The following CANT1 variants were observed in gnomAD, a reference collection of about 807,000 sequenced individuals.
The protein encoded by CANT1 is calcium activated nucleotidase 1.
CANT1 carries 26 observed loss-of-function variants against 30.0 expected under a neutral mutation model. The observed-to-expected ratio is 0.87, with a 90% CI of 0.64 to 1.20. The LOEUF is 1.20. Ranked by LOEUF, CANT1 falls within the 50% of genes most tolerant of loss-of-function variation. The probability of loss-of-function intolerance (pLI) is 0.00; values close to 1 mark genes in which losing one functional copy is unlikely to be tolerated. For missense variants in CANT1, 518 were observed against 563.0 expected, an observed-to-expected ratio of 0.92 and a Z score of 0.81; for synonymous variants, 246 against 251.8, an observed-to-expected ratio of 0.98 and a Z score of 0.22.
chr17:79,005,841 G>A (rs2145857771), intron 1 of CANT1: 1 of 152,364 alleles, frequency 6.6e-6, no homozygotes, highest in African/African-American at 2.4e-5. Context: ...AACAGCGCCT[G>A]AGAGAACACG....
intron 1 of CANT1, chr17:79,005,874 C>T (rs2071533185): frequency 2.0e-5 from 3 of 152,214 alleles, no homozygotes. Flanking sequence ...CAAAGAAACA[C>T]TTATTAATGC....
intron 1 of CANT1, among the ~76,000 whole-genome samples, chr17:79,006,876 A>C (rs2071570950): frequency 6.6e-6 from 1 of 152,162 alleles, no homozygotes; most frequent in South Asian, 2.1e-4. Context: ...GCTTTCCTCC[A>C]GGCTCGGCTC....
At position 78,993,379 on chromosome 17, in the gene CANT1, G is replaced by A; in HGVS notation, c.*171C>T. On this transcript the variant is annotated 3_prime_UTR_variant, in exon 5 of 5. Coordinates refer to ENST00000392446, the MANE Select transcript of CANT1 (RefSeq NM_001159773.2). This position sits in a 1 kb window ranked among gnomAD's most constrained non-coding sequence, Gnocchi z 4.5. Reference sequence around the variant, plus strand: ...AAGCAGTTCAGACCGCGGCCTCCGTGGGGCCCGGGGGTCCAGTGCCCGCAC... The same window carrying A: ...AAGCAGTTCAGACCGCGGCCTCCGTAGGGCCCGGGGGTCCAGTGCCCGCAC... 2.2e-6 allele frequency: 2 copies of A among 924,808 alleles called. No individual in the cohort carries two copies. Among genetic ancestry groups the A allele is most frequent in the South Asian group, 3.1e-5 (2 of 65,512 alleles). The allele number at this position is 924,808 out of a possible 1,614,324, so 57.3% of individuals were successfully genotyped here. A position where few individuals can be genotyped will look rare whatever the true frequency, so the allele number is the denominator to read the frequency against.
At position 78,993,908 on chromosome 17, in the gene CANT1, T is replaced by C; in HGVS notation, c.848A>G (p.His283Arg). 6.3e-7 allele frequency: 1 copy of C among 1,585,172 alleles called. No individual in the cohort carries two copies. The highest frequency in any genetic ancestry group is 8.5e-7 in the Non-Finnish European group (1 of 1,172,434). The change falls in exon 5 of 5, where the codon CAT becomes CGT. Residue 283 changes from histidine (H) to arginine (R), a missense_variant. Physicochemically the swap from His to Arg is conservative, Grantham distance 29 (BLOSUM62 0). Coordinates refer to ENST00000392446, the MANE Select transcript of CANT1 (RefSeq NM_001159773.2). This position sits in a 1 kb window ranked among gnomAD's most constrained non-coding sequence, Gnocchi z 4.5. Reference protein sequence around the residue: ...AGIQPPGYLIHESACWSDTLQ... With the variant: ...AGIQPPGYLIRESACWSDTLQ... ...CGTGTCACTCCAGCAGGCAGACTCA[T>C]GGATGAGGTAGCCTGGGAACCGGGT...
chr17:79,008,798 C>T lies in CANT1; in HGVS notation c.-147+866G>A, dbSNP rs1386900718. On this transcript the variant is annotated intron_variant, in intron 1 of 4. Coordinates refer to ENST00000392446, the MANE Select transcript of CANT1 (RefSeq NM_001159773.2). The surrounding 1 kb of genome is among the most constrained non-coding windows in gnomAD (Gnocchi z 4.4). The stretch of plus-strand genomic sequence containing the variant: ...GGATGAGAGAATCCAGACCGGATGG[C>T]AGTAGGGGTGTGAGACAGGTATGGT... Among the ~76,000 whole-genome samples, 1 of 152,048 alleles carries T rather than the reference C, an allele frequency of 6.6e-6. No homozygotes were observed. The highest frequency in any genetic ancestry group is 2.4e-5 in the African/African-American group (1 of 41,394).
chr17:79,001,722 A>G (rs557404658), intron 1 of CANT1, among the ~76,000 whole-genome samples: 64 of 151,290 alleles, frequency 4.2e-4, no homozygotes, highest in African/African-American at 1.6e-3. Flanking sequence ...GCAGGGGGGC[A>G]CTCTCTGTGG....
intron 1 of CANT1, 30 bp downstream of exon 1, chr17:79,009,634 G>T (rs1384318709): frequency 6.6e-6 from 1 of 152,406 alleles, no homozygotes; most frequent in Non-Finnish European, 1.5e-5. Context: ...CTGGGGCAGG[G>T]CGCCGGCGGC....
chr17:78,992,767 G>A lies in CANT1; in HGVS notation c.*783C>T, dbSNP rs1486180701. The A allele has an allele frequency of 5.1e-6, 3 of 587,598 alleles. No homozygotes were observed. The highest frequency in any genetic ancestry group is 2.8e-5 in the South Asian group (2 of 70,500). The allele number at this position is 587,598 out of a possible 1,614,324, so 36.4% of individuals were successfully genotyped here. On this transcript the variant is annotated 3_prime_UTR_variant, in exon 5 of 5. Transcript: ENST00000392446. ...CCTTACAATCTCCCGCACTGCTGGA[G>A]CGGGCTGGGTAACTACAGGACTGTG...
At position 78,995,249 on chromosome 17, in the gene CANT1, C is replaced by G; in HGVS notation, c.632-28G>C. 2.5e-6 allele frequency: 4 copies of G among 1,606,004 alleles called. No individual in the cohort carries two copies. Among genetic ancestry groups the G allele is most frequent in the Non-Finnish European group, 3.4e-6 (4 of 1,177,052 alleles). On this transcript the variant is annotated intron_variant, in intron 3 of 4. Transcript: ENST00000392446. This position sits in a 1 kb window ranked among gnomAD's most constrained non-coding sequence, Gnocchi z 5.7. ...GGCCAAGCAGAGTGTCCTTAGGCCC[C>G]GCACCCAGCTCCCGCCGCACCCCTG...
intron 1 of CANT1, among the ~76,000 whole-genome samples, chr17:79,003,129 CCA>C (rs1349676271): frequency 6.6e-6 from 1 of 152,100 alleles, no homozygotes; most frequent in Non-Finnish European, 1.5e-5. Flanking sequence ...CGCTGATTCC[CCA>C]GAGCTAACAG....
chr17:78,997,298 C>G lies in CANT1; in HGVS notation c.325G>C (p.Val109Leu). The change falls in exon 3 of 5, where the codon GTT becomes CTT. Residue 109 changes from valine to leucine, a missense_variant. Transcript: ENST00000392446. The surrounding 1 kb of genome is among the most constrained non-coding windows in gnomAD (Gnocchi z 7.5). ...TPAGIRYRIA[V>L]IADLDTESRA... is the part of the protein sequence containing the mutation. Reference sequence around the variant, plus strand: ...GACTCTGTGTCCAGGTCTGCGATAACTGCGATTCGATACCGAATCCCAGCC... The same window carrying G: ...GACTCTGTGTCCAGGTCTGCGATAAGTGCGATTCGATACCGAATCCCAGCC... 6.2e-7 allele frequency: 1 copy of G among 1,614,222 alleles called. No homozygotes were observed. The highest frequency in any genetic ancestry group is 8.5e-7 in the Non-Finnish European group (1 of 1,180,056).
chr17:78,992,163 GAC>G lies in CANT1; in HGVS notation c.*1385_*1386del. The G allele has an allele frequency of 8.6e-6, 2 of 232,800 alleles. No homozygotes were observed. The highest frequency in any genetic ancestry group is 1.7e-5 in the Non-Finnish European group (2 of 117,780). The allele number at this position is 232,800 out of a possible 1,614,324, so 14.4% of individuals were successfully genotyped here. ...TACCTATGACATAGCGGGGGAAAGA[GAC>G]AACCATGAGAGAGGGGTCCCTCCTC... On this transcript the variant is annotated 3_prime_UTR_variant, in exon 5 of 5. Transcript: ENST00000392446.
At chr17:79,005,409 A>C (rs76247846) in intron 1 of CANT1, 3,848 of 152,304 alleles carry the variant, frequency 0.025, 65 homozygotes, top group African/African-American at 0.047. Context: ...CTGCACTCTG[A>C]GCAAGGCTAT....
chr17:78,997,591 C>T lies in CANT1; in HGVS notation c.32G>A (p.Trp11Ter), dbSNP rs2071086538. MPVQLSEHPE[W>*]NESMHSLRIS... is the part of the protein sequence containing the mutation. ...CCGGAGGGAGTGCATAGACTCATTC[C>T]ATTCCGGGTGCTCAGACAGCTGCAC... Residue 11 changes from tryptophan to a stop codon, truncating the protein, a stop_gained, in exon 3 of 5, where the codon TGG becomes TAG. Transcript: ENST00000392446. LOFTEE classifies it high-confidence loss of function. This position sits in a 1 kb window ranked among gnomAD's most constrained non-coding sequence, Gnocchi z 7.5. 6.4e-7 allele frequency: 1 copy of T among 1,564,908 alleles called. No homozygotes were observed. Among genetic ancestry groups the T allele is most frequent in the Non-Finnish European group, 8.7e-7 (1 of 1,154,822 alleles).
rs1471016356 is a variant in CANT1, at chr17:78,993,053, G to C, written c.*497C>G. On this transcript the variant is annotated 3_prime_UTR_variant, in exon 5 of 5. Transcript: ENST00000392446. The surrounding 1 kb of genome is among the most constrained non-coding windows in gnomAD (Gnocchi z 4.5). ...CTCACTCGTGACCATGCAATACCCT[G>C]CAACATAAACATTTTCTTTTCCAAG... 1.5e-5 allele frequency: 5 copies of C among 328,780 alleles called. No individual in the cohort carries two copies. Among genetic ancestry groups the C allele is most frequent in the Non-Finnish European group, 2.9e-5 (5 of 174,806 alleles). The allele number at this position is 328,780 out of a possible 1,614,324, so 20.4% of individuals were successfully genotyped here. A position where few individuals can be genotyped will look rare whatever the true frequency, so the allele number is the denominator to read the frequency against.
Position 78,995,186 on chromosome 17 carries a change from G to A in CANT1, c.667C>T (p.Arg223Cys), listed in dbSNP as rs748609816. Reference protein sequence around the residue: ...KAEWLAVKDERLYVGGLGKEW... With the variant: ...KAEWLAVKDECLYVGGLGKEW... ...TTGCCCAGGCCGCCCACGTACAGAC[G>A]CTCGTCCTTCACTGCCAGCCATTCG... The change falls in exon 4 of 5, where the codon CGT becomes TGT. Residue 223 changes from arginine (R) to cysteine (C), a missense_variant. Coordinates refer to ENST00000392446, the MANE Select transcript of CANT1 (RefSeq NM_001159773.2). The surrounding 1 kb of genome is among the most constrained non-coding windows in gnomAD (Gnocchi z 5.7). The A allele has an allele frequency of 1.3e-5, 21 of 1,613,576 alleles. No homozygotes were observed. The Admixed American group carries it at 3.2e-4, about 24-fold the overall frequency.
chr17:78,995,178 G>A lies in CANT1; in HGVS notation c.675C>T (p.Tyr225=), dbSNP rs780527463. ...EWLAVKDERL[Y]VGGLGKEWTT... is the part of the protein sequence containing the mutation. Reference sequence around the variant, plus strand: ...TCCACTCCTTGCCCAGGCCGCCCACGTACAGACGCTCGTCCTTCACTGCCA... The same window carrying A: ...TCCACTCCTTGCCCAGGCCGCCCACATACAGACGCTCGTCCTTCACTGCCA... The change falls in exon 4 of 5, where the codon TAC becomes TAT. Residue 225 remains tyrosine, a synonymous_variant. Transcript: ENST00000392446. This position sits in a 1 kb window ranked among gnomAD's most constrained non-coding sequence, Gnocchi z 5.7. 2.2e-5 allele frequency: 35 copies of A among 1,613,808 alleles called. No individual in the cohort carries two copies. In the South Asian group the frequency reaches 2.5e-4, roughly 12 times the overall value.
rs886053528 is a variant in CANT1, at chr17:78,997,678, G to A, written c.-22-34C>T. The A allele has an allele frequency of 3.5e-5, 52 of 1,478,988 alleles. No homozygotes were observed. The highest frequency in any genetic ancestry group is 1.8e-4 in the Middle Eastern group (1 of 5,542). The allele number at this position is 1,478,988 out of a possible 1,614,324, so 91.6% of individuals were successfully genotyped here. ...CCAGGGAGGGAGGAGAGGAGTCAGC[G>A]CCTCCGCAAGCCCAGTCACATCTTA... is the stretch of plus-strand genomic sequence containing the variant. On this transcript the variant is annotated intron_variant, in intron 2 of 4. Coordinates refer to ENST00000392446, the MANE Select transcript of CANT1 (RefSeq NM_001159773.2). This position sits in a 1 kb window ranked among gnomAD's most constrained non-coding sequence, Gnocchi z 7.5.
In CANT1 at chr17:79,002,876, T is replaced by C. The variant is rs2071316050; in HGVS notation, c.-146-4913A>G. Among the ~76,000 whole-genome samples the C allele has an allele frequency of 6.6e-6, 1 of 152,206 alleles. No homozygotes were observed. Among genetic ancestry groups the C allele is most frequent in the African/African-American group, 2.4e-5 (1 of 41,448 alleles). ...TCCCAGGAGCAGGACCTCTCCCAGG[T>C]CGCTGTGCAACACTGCACGCCTTCC... On this transcript the variant is annotated intron_variant, in intron 1 of 4. Coordinates refer to ENST00000392446, the MANE Select transcript of CANT1 (RefSeq NM_001159773.2). This position sits in a 1 kb window ranked among gnomAD's most constrained non-coding sequence, Gnocchi z 4.0.
Sources: gnomAD v4.1 joint callset for allele counts (sites outside exome capture counted in the v4.1 genomes callset) on GRCh38, gnomAD v4.1.1 for gene constraint, Gnocchi (gnomAD v3.1) non-coding constraint, MANE v1.5 for transcripts, NCBI Gene and HGNC (gene_info 2026-07-23, HGNC 2026-07-21) for gene names.